The following MCCC1 variants were observed in gnomAD, a reference collection of about 807,000 sequenced individuals.
MCCC1 encodes the protein methylcrotonoyl-CoA carboxylase subunit alpha, mitochondrial.
MCCC1 carries 64 observed loss-of-function variants against 83.8 expected under a neutral mutation model. The ratio of observed to expected loss-of-function variants is 0.76; its 90% CI spans 0.62 to 0.94. MCCC1 has a LOEUF of 0.94. Among genes scored for constraint, MCCC1 ranks in the 40% least tolerant of loss-of-function variants. MCCC1 has a pLI of 0.00. For missense variants in MCCC1, 807 were observed against 904.7 expected (o/e 0.89, Z 1.39); for synonymous variants, 322 against 315.4 (o/e 1.02, Z -0.22).
chr3:183,055,537 C>G (rs1715352454), intron 8 of MCCC1, among the ~76,000 whole-genome samples: 3 of 152,172 alleles, frequency 2.0e-5, no homozygotes, highest in African/African-American at 7.2e-5. Flanking sequence ...TATTACTCAG[C>G]ATAATTACGT....
chr3:183,098,998 A>G (rs539961764), intron 1 of MCCC1: 3 of 423,704 alleles, frequency 7.1e-6, no homozygotes, highest in East Asian at 4.5e-5. Flanking sequence ...ACCGGATTAT[A>G]ACAACGCTCC....
chr3:183,019,420 A>T (rs1135365), intron 17 of MCCC1, among the ~76,000 whole-genome samples: 137,024 of 152,162 alleles, frequency 0.9, 61,985 homozygotes, highest in East Asian at 1. Flanking sequence ...GCCTCATGAA[A>T]GAGATTAGTG....
chr3:183,069,477 C>G (rs987322208), intron 7 of MCCC1, among the ~76,000 whole-genome samples: 2 of 150,950 alleles, frequency 1.3e-5, no homozygotes, highest in African/African-American at 2.4e-5. Flanking sequence ...CTTAGAAATG[C>G]CCCCCCCTTT....
At chr3:183,028,777 A>C (rs1006474783) in intron 14 of MCCC1, among the ~76,000 whole-genome samples, 1 of 152,212 alleles carries the variant, frequency 6.6e-6, no homozygotes, top group Non-Finnish European at 1.5e-5. Context: ...TCTTTCATGA[A>C]AGGAAGAGTC....
chr3:183,065,365 TTGTC>T (rs750125650), intron 7 of MCCC1, among the ~76,000 whole-genome samples: 1 of 152,172 alleles, frequency 6.6e-6, no homozygotes, highest in Non-Finnish European at 1.5e-5. Context: ...TTTCTTCTGT[TTGTC>T]TGTGTATTTA....
At position 183,064,472 on chromosome 3, in the gene MCCC1, C is replaced by T. The variant is rs1326209242; in HGVS notation, c.761+6527G>A. On this transcript the variant is annotated intron_variant, in intron 7 of 18. Coordinates refer to ENST00000265594, the MANE Select transcript of MCCC1 (RefSeq NM_020166.5). This position sits in a 1 kb window ranked among gnomAD's most constrained non-coding sequence, Gnocchi z 4.5. ...CGCTTGGTGGGCACCCAGGAAGCTC[C>T]GTAAAGGCTTCTGGGACGGGCAGAA... Among the ~76,000 whole-genome samples, 1 of 152,184 alleles carries T rather than the reference C, an allele frequency of 6.6e-6. No individual in the cohort carries two copies. The highest frequency in any genetic ancestry group is 2.4e-5 in the African/African-American group (1 of 41,454).
chr3:183,113,166 G>GT (rs1268308687), intron 1 of MCCC1, among the ~76,000 whole-genome samples: 95 of 150,442 alleles, frequency 6.3e-4, no homozygotes, highest in Non-Finnish European at 8.9e-4. Flanking sequence ...AGAGATTGCA[G>GT]TGAGCCGAGA....
At chr3:183,099,607 CCAAT>C, upstream of MCCC1, 1 of 770,926 alleles carries the variant, frequency 1.3e-6, no homozygotes, top group Non-Finnish European at 2.1e-6. Context: ...TCCACGAACA[CCAAT>C]CAAAGACCAG....
intron 1 of MCCC1, among the ~76,000 whole-genome samples, chr3:183,106,478 G>T (rs543911962): frequency 1.6e-5 from 2 of 125,816 alleles, no homozygotes; most frequent in African/African-American, 6.2e-5. Flanking sequence ...ATGTTTCTTT[G>T]TTCTTTTCTT....
intron 7 of MCCC1, among the ~76,000 whole-genome samples, chr3:183,061,253 T>C (rs1007231284): frequency 4.0e-5 from 6 of 151,486 alleles, no homozygotes; most frequent in African/African-American, 1.2e-4. Flanking sequence ...TTCTAAGTTG[T>C]TTTTTTTCCC....
Position 183,045,531 on chromosome 3 carries a change from T to A in MCCC1, c.965A>T (p.Glu322Val). The change falls in exon 10 of 19, where the codon GAG becomes GTG. Residue 322 changes from glutamate (E) to valine (V), a missense_variant. Coordinates refer to ENST00000265594, the MANE Select transcript of MCCC1 (RefSeq NM_020166.5). Reference protein sequence around the residue: ...AVNYVGAGTVEFIMDSKHNFC... With the variant: ...AVNYVGAGTVVFIMDSKHNFC... The stretch of plus-strand genomic sequence containing the variant: ...ATTATGTTTTGAGTCCATAATAAAC[T>A]CCACAGTCCCTAAAAGGTAAAAAAC... 3.7e-6 allele frequency: 6 copies of A among 1,614,016 alleles called. No homozygotes were observed. Among genetic ancestry groups the A allele is most frequent in the Non-Finnish European group, 5.1e-6 (6 of 1,179,912 alleles).
chr3:183,101,585 C>T (rs1243669612), upstream of MCCC1, among the ~76,000 whole-genome samples: 4 of 152,120 alleles, frequency 2.6e-5, no homozygotes, highest in African/African-American at 7.2e-5. Flanking sequence ...GGATTGTAAA[C>T]GCACCAATCA....
intron 3 of MCCC1, among the ~76,000 whole-genome samples, chr3:183,090,430 C>A (rs1718232030): frequency 6.6e-6 from 1 of 152,138 alleles, no homozygotes; most frequent in South Asian, 2.1e-4. Context: ...ACTGACAAAT[C>A]ATAATTGTAT....
chr3:183,031,365 T>C (rs1349278549), intron 14 of MCCC1, among the ~76,000 whole-genome samples: 2 of 152,276 alleles, frequency 1.3e-5, no homozygotes, highest in East Asian at 3.9e-4. Flanking sequence ...CAGGGTTCTG[T>C]GAAACGTGGC....
At chr3:183,021,044 A>C (rs1712126119) in intron 16 of MCCC1, among the ~76,000 whole-genome samples, 1 of 152,186 alleles carries the variant, frequency 6.6e-6, no homozygotes, top group Non-Finnish European at 1.5e-5. Flanking sequence ...TGGACAACAG[A>C]GCAAGACTCC....
chr3:183,092,224 A>C (rs1029363951), intron 3 of MCCC1, 185 bp downstream of exon 3: 32 of 677,002 alleles, frequency 4.7e-5, no homozygotes, highest in Non-Finnish European at 7.1e-5. Context: ...TCTACTAAGC[A>C]CACCGCTTAG....
chr3:183,069,324 T>C (rs1294170854), intron 7 of MCCC1, among the ~76,000 whole-genome samples: 1 of 152,158 alleles, frequency 6.6e-6, no homozygotes, highest in Non-Finnish European at 1.5e-5. Context: ...AGGCATGGAG[T>C]TACATAATAA....
At chr3:183,067,740 C>T (rs75540648) in intron 7 of MCCC1, among the ~76,000 whole-genome samples, 9,778 of 152,216 alleles carry the variant, frequency 0.064, 482 homozygotes, top group African/African-American at 0.11. Context: ...AACCTCATAT[C>T]GGCTTGGTTC....
At chr3:183,104,232 C>T (rs1390792373), upstream of MCCC1, among the ~76,000 whole-genome samples, 2 of 152,220 alleles carry the variant, frequency 1.3e-5, no homozygotes. Flanking sequence ...TCAAGTGCCG[C>T]CAAACTGGGA....
Sources: gnomAD v4.1 joint callset for allele counts (sites outside exome capture counted in the v4.1 genomes callset) on GRCh38, gnomAD v4.1.1 for gene constraint, Gnocchi (gnomAD v3.1) non-coding constraint, MANE v1.5 for transcripts, NCBI Gene and HGNC (gene_info 2026-07-23, HGNC 2026-07-21) for gene names.